PRKN: variants seen among roughly 807,000 people sequenced by gnomAD.
PRKN encodes E3 ubiquitin-protein ligase parkin.
A neutral mutation model predicts 59.5 loss-of-function variants in PRKN; 56 were observed. The ratio of observed to expected loss-of-function variants is 0.94; its 90% CI spans 0.76 to 1.18. The LOEUF (loss-of-function observed/expected upper bound fraction) is 1.18, where lower values mean the gene tolerates loss of function less well. Ranked by LOEUF, PRKN falls within the 50% of genes most tolerant of loss-of-function variation. PRKN has a pLI of 0.00. For missense variants in PRKN, 657 were observed against 596.4 expected (o/e 1.10, Z -1.06); for synonymous variants, 250 against 222.1 (o/e 1.13, Z -1.12).
In PRKN at chr6:161,456,510, T is replaced by A. The variant is rs1268657724; in HGVS notation, c.1084-69633A>T. ...CTTGCTCCTCAGCTTGCAGACAGTCTATTGTGGGACTTCTCCTTGTGATCG... is the reference window on the plus strand; with the variant it reads ...CTTGCTCCTCAGCTTGCAGACAGTCAATTGTGGGACTTCTCCTTGTGATCG... On this transcript the variant is annotated intron_variant, in intron 9 of 11. Coordinates refer to ENST00000366898, the MANE Select transcript of PRKN (RefSeq NM_004562.3). This position sits in a 1 kb window ranked among gnomAD's most constrained non-coding sequence, Gnocchi z 4.8. 6.6e-6 allele frequency among the ~76,000 whole-genome samples: 1 copy of A among 152,168 alleles called. No homozygotes were observed. Among genetic ancestry groups the A allele is most frequent in the African/African-American group, 2.4e-5 (1 of 41,450 alleles).
chr6:161,757,840 T>TCCCTCC (rs1273935807), intron 7 of PRKN, among the ~76,000 whole-genome samples: 6 of 100,142 alleles, frequency 6.0e-5, no homozygotes, highest in Admixed American at 1.1e-4. Context: ...TCCATCTCTC[T>TCCCTCC]CTCTCTCTCT....
intron 7 of PRKN, among the ~76,000 whole-genome samples, chr6:161,602,747 A>T (rs949318243): frequency 3.9e-5 from 6 of 152,218 alleles, no homozygotes; most frequent in South Asian, 2.1e-4. Context: ...ATTTCAGAGC[A>T]CTTTAAGAAT....
chr6:162,449,538 G>A (rs73606338), intron 1 of PRKN, among the ~76,000 whole-genome samples: 9,829 of 151,792 alleles, frequency 0.065, 955 homozygotes, highest in African/African-American at 0.22. Flanking sequence ...TTTATAGCTC[G>A]TTTTTTATTT....
intron 1 of PRKN, among the ~76,000 whole-genome samples, chr6:162,583,109 C>T (rs990502484): frequency 2.6e-5 from 4 of 152,098 alleles, no homozygotes; most frequent in African/African-American, 9.7e-5. Context: ...TTGATCCCCT[C>T]GCTCAGGAGG....
intron 3 of PRKN, among the ~76,000 whole-genome samples, chr6:162,241,932 C>T (rs930802113): frequency 6.6e-6 from 1 of 151,558 alleles, no homozygotes; most frequent in African/African-American, 2.4e-5. Flanking sequence ...TTCCTGGCTT[C>T]CCCCCACCCC....
At chr6:162,098,508 C>G (rs1285684352) in intron 4 of PRKN, among the ~76,000 whole-genome samples, 1 of 152,172 alleles carries the variant, frequency 6.6e-6, no homozygotes, top group African/African-American at 2.4e-5. Context: ...TAAGCTGCTA[C>G]TTAGGACTCC....
intron 7 of PRKN, among the ~76,000 whole-genome samples, chr6:161,764,780 T>C (rs1789354322): frequency 1.3e-5 from 2 of 152,208 alleles, no homozygotes; most frequent in African/African-American, 4.8e-5. Context: ...CAATTCAAAG[T>C]ACTTGGTATT....
At position 161,371,220 on chromosome 6, in the gene PRKN, A is replaced by G. The variant is rs962428388; in HGVS notation, c.1168-11015T>C. 2.6e-5 allele frequency among the ~76,000 whole-genome samples: 4 copies of G among 151,568 alleles called. No individual in the cohort carries two copies. The highest frequency in any genetic ancestry group is 5.9e-5 in the Non-Finnish European group (4 of 67,940). On this transcript the variant is annotated intron_variant, in intron 10 of 11. Coordinates refer to ENST00000366898, the MANE Select transcript of PRKN (RefSeq NM_004562.3). This position sits in a 1 kb window ranked among gnomAD's most constrained non-coding sequence, Gnocchi z 5.5. ...GCTCCTGTTGCCCAGGCTGGAGTGC[A>G]ATGGTGAAATCTCCGCTCACTGCAA...
chr6:162,585,801 G>A (rs983253928), intron 1 of PRKN, among the ~76,000 whole-genome samples: 3 of 151,740 alleles, frequency 2.0e-5, no homozygotes, highest in Non-Finnish European at 2.9e-5. Flanking sequence ...CTCCTGGGTC[G>A]AAGCCATCTC....
intron 10 of PRKN, among the ~76,000 whole-genome samples, chr6:161,375,877 C>T (rs919523167): frequency 1.3e-5 from 2 of 152,228 alleles, no homozygotes; most frequent in Non-Finnish European, 2.9e-5. Flanking sequence ...ATCTGCACAT[C>T]CACTTAGGCG....
At chr6:161,571,318 A>G (rs1240350415) in intron 7 of PRKN, among the ~76,000 whole-genome samples, 1 of 152,240 alleles carries the variant, frequency 6.6e-6, no homozygotes, top group Non-Finnish European at 1.5e-5. Flanking sequence ...TATGGATTAT[A>G]TAATCTGTTG....
chr6:161,835,743 C>T (rs1792726287), intron 6 of PRKN, among the ~76,000 whole-genome samples: 1 of 152,202 alleles, frequency 6.6e-6, no homozygotes, highest in Admixed American at 6.5e-5. Context: ...AGCACGTGCT[C>T]TTAAGGTGGA....
chr6:162,272,544 TCAGGCAC>T (rs1265396299), intron 2 of PRKN, among the ~76,000 whole-genome samples: 2 of 152,050 alleles, frequency 1.3e-5, no homozygotes, highest in African/African-American at 4.8e-5. Flanking sequence ...ACCCGGAAAC[TCAGGCAC>T]GTCGGGGAGG....
chr6:162,604,046 G>T (rs569893068), intron 1 of PRKN, among the ~76,000 whole-genome samples: 1 of 152,236 alleles, frequency 6.6e-6, no homozygotes, highest in African/African-American at 2.4e-5. Flanking sequence ...TCCCTCTGTT[G>T]CCTGACTTGA....
chr6:162,404,391 G>A (rs1284159478), intron 2 of PRKN, among the ~76,000 whole-genome samples: 1 of 150,988 alleles, frequency 6.6e-6, no homozygotes, highest in African/African-American at 2.4e-5. Context: ...AAGAAAGAAA[G>A]AAAGAAAGAA....
intron 7 of PRKN, among the ~76,000 whole-genome samples, chr6:161,597,899 T>C (rs1781973574): frequency 6.6e-6 from 1 of 151,828 alleles, no homozygotes; most frequent in Non-Finnish European, 1.5e-5. Context: ...GTACACACAG[T>C]TAGGGTAGTT....
intron 1 of PRKN, among the ~76,000 whole-genome samples, chr6:162,603,051 T>A (rs934503562): frequency 6.6e-6 from 1 of 152,126 alleles, no homozygotes; most frequent in African/African-American, 2.4e-5. Context: ...ATGCCAACTT[T>A]TAGTTTTCAC....
At chr6:162,582,753 A>T (rs1045880346) in intron 1 of PRKN, among the ~76,000 whole-genome samples, 9 of 152,164 alleles carry the variant, frequency 5.9e-5, no homozygotes, top group Admixed American at 5.9e-4. Flanking sequence ...TCTCTAAAAA[A>T]CTTATTGGCT....
chr6:161,902,468 T>C (rs2128235293), intron 6 of PRKN, among the ~76,000 whole-genome samples: 1 of 152,260 alleles, frequency 6.6e-6, no homozygotes, highest in South Asian at 2.1e-4. Flanking sequence ...ATTATATTTT[T>C]AGGCAGAGAG....
Sources: allele counts gnomAD v4.1 joint callset (sites outside exome capture counted in the v4.1 genomes callset), GRCh38; gene constraint gnomAD v4.1.1; non-coding constraint Gnocchi (gnomAD v3.1); transcripts MANE v1.5; gene names NCBI Gene and HGNC (gene_info 2026-07-23, HGNC 2026-07-21).